Variants in RELN observed in about 807,000 individuals in gnomAD.
RELN encodes the protein reelin.
Under a neutral mutation model 427.6 loss-of-function variants are expected in RELN, and 108 were observed. The ratio of observed to expected loss-of-function variants is 0.25; its 90% CI spans 0.22 to 0.30. The LOEUF (loss-of-function observed/expected upper bound fraction) is 0.30, where lower values mean the gene tolerates loss of function less well. Among genes scored for constraint, RELN ranks in the 10% least tolerant of loss-of-function variants. The probability of loss-of-function intolerance (pLI) is 1.00; values close to 1 mark genes in which losing one functional copy is unlikely to be tolerated. For missense variants in RELN, 3,715 were observed against 4,302.8 expected (o/e 0.86, Z 3.82); for synonymous variants, 1,524 against 1,513.4 (o/e 1.01, Z -0.16).
At chr7:103,521,934 A>G in intron 48 of RELN, 88 bp downstream of exon 48, 1 of 1,345,516 alleles carries the variant, frequency 7.4e-7, no homozygotes, top group East Asian at 2.3e-5. Context: ...CTGCATCTTG[A>G]TTTGCCCATT....
intron 1 of RELN, among the ~76,000 whole-genome samples, chr7:103,937,460 T>C (rs908004121): frequency 4.6e-5 from 7 of 152,244 alleles, no homozygotes; most frequent in Non-Finnish European, 1.0e-4. Flanking sequence ...GATAAGGTCA[T>C]ATGGATATTA....
chr7:103,823,551 T>G (rs39343), intron 3 of RELN, among the ~76,000 whole-genome samples: 2 of 151,780 alleles, frequency 1.3e-5, no homozygotes, highest in African/African-American at 4.8e-5. Flanking sequence ...GCAAAATAAT[T>G]TGATGACATT....
intron 12 of RELN, 70 bp downstream of exon 12, chr7:103,661,306 A>C (rs900520183): frequency 1.4e-6 from 2 of 1,476,348 alleles, no homozygotes; most frequent in Non-Finnish European, 1.9e-6. Flanking sequence ...AAACAATCTT[A>C]CTTCCTCAGG....
At chr7:103,775,058 A>C (rs1791704552) in intron 4 of RELN, among the ~76,000 whole-genome samples, 1 of 152,206 alleles carries the variant, frequency 6.6e-6, no homozygotes, top group South Asian at 2.1e-4. Flanking sequence ...AGACTAAAAA[A>C]TTTAAGGCTT....
At chr7:103,514,057 C>A (rs1829496290) in intron 50 of RELN, 1 of 151,960 alleles carries the variant, frequency 6.6e-6, no homozygotes, top group Non-Finnish European at 1.5e-5. Flanking sequence ...CTGGAAGATT[C>A]TTATCAGTCT....
At chr7:103,869,984 A>C (rs1487322355) in intron 2 of RELN, among the ~76,000 whole-genome samples, 1 of 152,140 alleles carries the variant, frequency 6.6e-6, no homozygotes, top group Non-Finnish European at 1.5e-5. Context: ...TGTCAAGTAC[A>C]CTGATTCTTT....
At chr7:103,697,754 G>A in intron 10 of RELN, 99 bp downstream of exon 10, 1 of 1,543,428 alleles carries the variant, frequency 6.5e-7, no homozygotes, top group Admixed American at 1.8e-5. Context: ...TAGTGGTTTT[G>A]GTAAAATAGC....
chr7:103,522,064 C>T lies in RELN; in HGVS notation c.7626G>A (p.Val2542=), dbSNP rs2117092082. Residue 2542 remains valine (V), a synonymous_variant, in exon 48 of 65, where the codon GTG becomes GTA. Coordinates refer to ENST00000428762, the MANE Select transcript of RELN (RefSeq NM_005045.4). ...CCATTCCCGACGCCACGGCTCCACA[C>T]ACTGTACTCAATTTCCCTCCGTTCA... ...LTVNGGKLST[V]CGAVASGMAL... 1.9e-6 allele frequency: 3 copies of T among 1,614,160 alleles called. No individual in the cohort carries two copies. The highest frequency in any genetic ancestry group is 2.5e-6 in the Non-Finnish European group (3 of 1,180,032).
intron 6 of RELN, among the ~76,000 whole-genome samples, chr7:103,747,599 G>C (rs932885964): frequency 7.4e-5 from 11 of 148,350 alleles, no homozygotes; most frequent in African/African-American, 2.7e-4. Flanking sequence ...TAACAGAACA[G>C]TCATCTCTCA....
chr7:103,941,700 A>T (rs890200843), intron 1 of RELN, among the ~76,000 whole-genome samples: 1 of 152,160 alleles, frequency 6.6e-6, no homozygotes, highest in Non-Finnish European at 1.5e-5. Flanking sequence ...CCAAACACAT[A>T]TATAAACTCA....
intron 11 of RELN, 132 bp downstream of exon 11, chr7:103,681,984 G>T (rs1328593637): frequency 3.3e-6 from 3 of 896,970 alleles, no homozygotes; most frequent in African/African-American, 1.6e-5. Context: ...ACCCCTTTTG[G>T]CTTGTCTACG....
chr7:103,542,355 AAAT>A (rs2117133587), intron 43 of RELN, among the ~76,000 whole-genome samples: 1 of 152,362 alleles, frequency 6.6e-6, no homozygotes, highest in East Asian at 1.9e-4. Context: ...GTATAAGTGT[AAAT>A]AATTTCTACA....
chr7:103,675,479 T>C (rs182597951), intron 11 of RELN, among the ~76,000 whole-genome samples: 796 of 152,238 alleles, frequency 5.2e-3, no homozygotes, highest in African/African-American at 0.018. Flanking sequence ...AATTTATAGA[T>C]TCAATGCCAC....
At chr7:103,558,122 C>G in intron 36 of RELN, 73 bp from the exon 37 acceptor site, 1 of 762,912 alleles carries the variant, frequency 1.3e-6, no homozygotes, top group Non-Finnish European at 2.4e-6. Flanking sequence ...TTTTATACAC[C>G]TAACTTGCAT....
chr7:103,524,613 G>T (rs927941384), intron 46 of RELN, among the ~76,000 whole-genome samples: 8 of 152,138 alleles, frequency 5.3e-5, no homozygotes, highest in Non-Finnish European at 7.4e-5. Flanking sequence ...ATCCATATAT[G>T]TTCTGTCATT....
chr7:103,570,692 T>C (rs1446732949), intron 31 of RELN, among the ~76,000 whole-genome samples: 1 of 152,222 alleles, frequency 6.6e-6, no homozygotes, highest in African/African-American at 2.4e-5. Context: ...TCTTTCCCTC[T>C]GTCACATGGC....
chr7:103,655,403 T>C (rs977823372), intron 12 of RELN, among the ~76,000 whole-genome samples: 4 of 152,120 alleles, frequency 2.6e-5, no homozygotes, highest in Non-Finnish European at 5.9e-5. Flanking sequence ...CTACAGGCAA[T>C]TGCTGTTGCT....
intron 6 of RELN, among the ~76,000 whole-genome samples, chr7:103,745,510 T>G (rs200950721): frequency 0.16 from 21,215 of 133,896 alleles, 2,502 homozygotes; most frequent in African/African-American, 0.32. Flanking sequence ...TGTATATCTA[T>G]AAAACCCCAT....
intron 1 of RELN, among the ~76,000 whole-genome samples, chr7:103,931,212 T>G (rs555471839): frequency 3.3e-5 from 5 of 152,252 alleles, no homozygotes; most frequent in African/African-American, 1.2e-4. Context: ...GACTCCACGC[T>G]CCGGCACACC....
Sources: allele counts gnomAD v4.1 joint callset (sites outside exome capture counted in the v4.1 genomes callset), GRCh38; gene constraint gnomAD v4.1.1; transcripts MANE v1.5; gene names NCBI Gene and HGNC (gene_info 2026-07-23, HGNC 2026-07-21).